Variants in SOBP observed in about 807,000 individuals in gnomAD.
The protein encoded by SOBP is sine oculis-binding protein homolog.
In SOBP, 4 loss-of-function variants were observed where a neutral mutation model predicts 53.6. That is an observed-to-expected ratio of 0.07 (90% CI 0.04 to 0.17). SOBP has a LOEUF of 0.17. SOBP is among the 10% of genes least tolerant of loss of function. The pLI, the probability that SOBP is intolerant of heterozygous loss-of-function variation, is 1.00. For missense variants in SOBP, 1,088 were observed against 1,204.7 expected (o/e 0.90, Z 1.43); for synonymous variants, 584 against 522.6 (o/e 1.12, Z -1.60).
intron 6 of SOBP, among the ~76,000 whole-genome samples, chr6:107,649,046 G>T (rs1771682245): frequency 6.6e-6 from 1 of 151,402 alleles, no homozygotes; most frequent in African/African-American, 2.4e-5. Flanking sequence ...GGGCATGCCT[G>T]TAGACCCAGC....
intron 4 of SOBP, among the ~76,000 whole-genome samples, chr6:107,586,409 C>T (rs1162633590): frequency 2.0e-5 from 3 of 152,140 alleles, no homozygotes; most frequent in Admixed American, 1.3e-4. Flanking sequence ...TGTATGCAAG[C>T]GGTATTGCTA....
chr6:107,555,620 G>A (rs894385491), intron 4 of SOBP, among the ~76,000 whole-genome samples: 3 of 152,198 alleles, frequency 2.0e-5, no homozygotes, highest in East Asian at 1.9e-4. Context: ...TGCGCCCTAC[G>A]TGCAGATTCC....
intron 4 of SOBP, among the ~76,000 whole-genome samples, chr6:107,541,551 CTA>C (rs1341272517): frequency 2.0e-5 from 3 of 152,162 alleles, no homozygotes; most frequent in Non-Finnish European, 4.4e-5. Flanking sequence ...ACTCCAATAA[CTA>C]TATTTTGGAG....
At position 107,634,748 on chromosome 6, in the gene SOBP, G is replaced by A; in HGVS notation, c.1904G>A (p.Gly635Asp). ...GCCGGCAGCCCCCCGGGCCCCCCGGGCGCGGGCGGCCAGCTCGGCTTCCCA... is the reference window on the plus strand; with the variant it reads ...GCCGGCAGCCCCCCGGGCCCCCCGGACGCGGGCGGCCAGCTCGGCTTCCCA... ...RRAGSPPGPPGAGGQLGFPGV... is the reference protein window; with the variant it reads ...RRAGSPPGPPDAGGQLGFPGV... The change falls in exon 6 of 7, where the codon GGC becomes GAC. Residue 635 changes from glycine to aspartate, a missense_variant. Gly to Asp is a moderately conservative substitution (Grantham distance 94, BLOSUM62 -1). Transcript: ENST00000317357. This position sits in a 1 kb window ranked among gnomAD's most constrained non-coding sequence, Gnocchi z 4.5. 2 of 1,334,180 alleles carry A rather than the reference G, an allele frequency of 1.5e-6. No individual in the cohort carries two copies. The highest frequency in any genetic ancestry group is 9.5e-7 in the Non-Finnish European group (1 of 1,050,270). 82.6% of individuals were successfully genotyped at this position (1,334,180 alleles called of 1,614,324 possible).
intron 4 of SOBP, among the ~76,000 whole-genome samples, chr6:107,541,897 C>G (rs1784157178): frequency 6.6e-6 from 1 of 151,972 alleles, no homozygotes; most frequent in Non-Finnish European, 1.5e-5. Flanking sequence ...TACCTCCCTA[C>G]AGCTTTTTGT....
chr6:107,629,217 G>A (rs995449425), intron 5 of SOBP, among the ~76,000 whole-genome samples: 31 of 151,266 alleles, frequency 2.0e-4, no homozygotes, highest in Middle Eastern at 3.4e-3. Context: ...TGGCATTCAC[G>A]GAGGTGCTAA....
intron 2 of SOBP, among the ~76,000 whole-genome samples, chr6:107,504,944 C>G (rs1219143164): frequency 6.6e-6 from 1 of 152,178 alleles, no homozygotes. Flanking sequence ...TTCTGGGGAA[C>G]ATACAGCATG....
At chr6:107,543,360 AT>A (rs1170318171) in intron 4 of SOBP, among the ~76,000 whole-genome samples, 2 of 152,208 alleles carry the variant, frequency 1.3e-5, no homozygotes, top group Non-Finnish European at 1.5e-5. Flanking sequence ...ATCCTCTGGA[AT>A]GAGTCTCTGG....
Position 107,499,744 on chromosome 6 carries a change from ACT to A in SOBP, c.97-3910_97-3909del, listed in dbSNP as rs571256089. On this transcript the variant is annotated intron_variant, in intron 1 of 6. Transcript: ENST00000317357. The stretch of plus-strand genomic sequence containing the variant: ...TAAAACTGGGAGGCACTCTTAAGAG[ACT>A]CTGCTTCATTTCCTGCCCTAGGTCT... Among the ~76,000 whole-genome samples the A allele has an allele frequency of 2.0e-4, 31 of 152,204 alleles. No homozygotes were observed. The East Asian group carries it at 3.5e-3, about 17-fold the overall frequency.
At chr6:107,602,962 C>A (rs1023052033) in intron 5 of SOBP, among the ~76,000 whole-genome samples, 3 of 129,620 alleles carry the variant, frequency 2.3e-5, no homozygotes, top group Non-Finnish European at 4.7e-5. Context: ...CTTGCCTCCC[C>A]CGTCCCCCAC....
chr6:107,637,364 C>T (rs991893017), intron 6 of SOBP, among the ~76,000 whole-genome samples: 32 of 152,222 alleles, frequency 2.1e-4, no homozygotes, highest in African/African-American at 7.5e-4. Flanking sequence ...GGTTTCTCAG[C>T]CACCATCGTT....
intron 1 of SOBP, 133 bp from the exon 2 acceptor site, chr6:107,503,524 A>T (rs1180827014): frequency 1.1e-6 from 1 of 936,146 alleles, no homozygotes; most frequent in Non-Finnish European, 1.7e-6. Flanking sequence ...GATTTGAAAA[A>T]TGAACACCAC....
chr6:107,506,198 T>A lies in SOBP; in HGVS notation c.236-44T>A, dbSNP rs778437338. 12 of 1,569,760 alleles carry A rather than the reference T, an allele frequency of 7.6e-6. No individual in the cohort carries two copies. The South Asian group carries it at 1.3e-4, about 17-fold the overall frequency. On this transcript the variant is annotated intron_variant, in intron 2 of 6. Transcript: ENST00000317357. ...TAAGGAAAAATTTAAGTCTACTGCA[T>A]TACATTCCTTGGTCACATTGAATAT...
At chr6:107,513,672 T>C (rs1783234542) in intron 3 of SOBP, among the ~76,000 whole-genome samples, 2 of 150,286 alleles carry the variant, frequency 1.3e-5, no homozygotes, top group African/African-American at 4.9e-5. Context: ...TAAAATTACC[T>C]AGAGTTAATG....
chr6:107,548,124 A>T (rs1430018868), intron 4 of SOBP, among the ~76,000 whole-genome samples: 1 of 152,248 alleles, frequency 6.6e-6, no homozygotes. Context: ...TGTAAATCTA[A>T]TAGAACTTCA....
intron 5 of SOBP, among the ~76,000 whole-genome samples, chr6:107,591,454 A>G (rs1412181486): frequency 6.6e-6 from 1 of 152,230 alleles, no homozygotes; most frequent in Admixed American, 6.5e-5. Flanking sequence ...TAAAAACTTA[A>G]TAAGGGAAGA....
chr6:107,532,022 A>G (rs1193460869), intron 3 of SOBP, among the ~76,000 whole-genome samples: 1 of 152,148 alleles, frequency 6.6e-6, no homozygotes, highest in Non-Finnish European at 1.5e-5. Flanking sequence ...AAATGATTGC[A>G]TGACAAACTC....
intron 4 of SOBP, among the ~76,000 whole-genome samples, chr6:107,555,593 A>G (rs1392316946): frequency 1.3e-5 from 2 of 152,264 alleles, no homozygotes. Flanking sequence ...GCGCAGCTGC[A>G]CAGCTCTCCA....
chr6:107,650,645 C>T (rs1367287987), intron 6 of SOBP, among the ~76,000 whole-genome samples: 3 of 152,152 alleles, frequency 2.0e-5, no homozygotes, highest in African/African-American at 2.4e-5. Context: ...AGTCAATAAA[C>T]GTTGGGTATG....
Sources: gnomAD v4.1 joint callset for allele counts (sites outside exome capture counted in the v4.1 genomes callset) on GRCh38, gnomAD v4.1.1 for gene constraint, Gnocchi (gnomAD v3.1) non-coding constraint, MANE v1.5 for transcripts, NCBI Gene and HGNC (gene_info 2026-07-23, HGNC 2026-07-21) for gene names.